The following SLA variants were observed in gnomAD, a reference collection of about 807,000 sequenced individuals.
The protein encoded by SLA is src-like-adapter.
In SLA, 16 loss-of-function variants were observed where a neutral mutation model predicts 30.3. That is an observed-to-expected ratio of 0.53 (90% confidence interval 0.36 to 0.80). The LOEUF is 0.80. SLA is among the 30% of genes least tolerant of loss of function. The pLI, the probability that SLA is intolerant of heterozygous loss-of-function variation, is 0.01. For missense variants in SLA, 310 were observed against 345.2 expected, an observed-to-expected ratio of 0.90 and a Z score of 0.81; for synonymous variants, 143 against 137.8, an observed-to-expected ratio of 1.04 and a Z score of -0.26.
intron 3 of SLA, among the ~76,000 whole-genome samples, chr8:133,058,415 T>C (rs1665490561): frequency 6.6e-6 from 1 of 152,178 alleles, no homozygotes. Context: ...AAAATCAACT[T>C]ATTTCATGAC....
chr8:133,081,967 A>G (rs1464799531), intron 1 of SLA, among the ~76,000 whole-genome samples: 1 of 152,228 alleles, frequency 6.6e-6, no homozygotes, highest in Admixed American at 6.5e-5. Flanking sequence ...CTAAGCAAAG[A>G]GGGCTGTAGC....
chr8:133,096,306 T>C, intron 1 of SLA: 1 of 1,614,138 alleles, frequency 6.2e-7, no homozygotes, highest in Non-Finnish European at 8.5e-7. Flanking sequence ...TCTTTATGGG[T>C]AGAGGTCGAT....
intron 3 of SLA, among the ~76,000 whole-genome samples, chr8:133,057,774 C>CA (rs5895173): frequency 0.075 from 10,677 of 141,898 alleles, 447 homozygotes; most frequent in African/African-American, 0.12. Context: ...AAACAAAAAA[C>CA]AAAAAAAAAA....
At position 133,038,510 on chromosome 8, in the gene SLA, G is replaced by A. The variant is rs377435106; in HGVS notation, c.*14C>T. On this transcript the variant is annotated 3_prime_UTR_variant, in exon 9 of 9. Coordinates refer to ENST00000338087, the MANE Select transcript of SLA (RefSeq NM_001045556.3). The stretch of plus-strand genomic sequence containing the variant: ...CTGTTCCTTTTGGGCATGAACCATT[G>A]TGTCTGTTCTTGGCTAGTCCTCAAA... 63 of 1,581,788 alleles carry A rather than the reference G, an allele frequency of 4.0e-5. No homozygotes were observed. Among genetic ancestry groups the A allele is most frequent in the Non-Finnish European group, 5.5e-5 (63 of 1,150,402 alleles).
At chr8:133,062,856 A>C (rs1587949032) in intron 2 of SLA, among the ~76,000 whole-genome samples, 1 of 152,136 alleles carries the variant, frequency 6.6e-6, no homozygotes, top group African/African-American at 2.4e-5. Flanking sequence ...TGTCTTACAC[A>C]GGTCTCAGGA....
intron 2 of SLA, 142 bp downstream of exon 2, chr8:133,074,711 G>A: frequency 3.7e-6 from 1 of 268,988 alleles, no homozygotes; most frequent in Non-Finnish European, 5.7e-6. Context: ...CAGGTTGGGG[G>A]CTGGGCTTCT....
chr8:133,050,004 C>T lies in SLA; in HGVS notation c.162-16G>A. ...GCCCCCTTCACTGTAAGAACAAGAA[C>T]AGAGAAGAACACAGAGATAGGTAAA... On this transcript the variant is annotated splice_polypyrimidine_tract_variant and intron_variant, in intron 4 of 8. Coordinates refer to ENST00000338087, the MANE Select transcript of SLA (RefSeq NM_001045556.3). 1 of 1,554,278 alleles carries T rather than the reference C, an allele frequency of 6.4e-7. No homozygotes were observed. The highest frequency in any genetic ancestry group is 8.9e-7 in the Non-Finnish European group (1 of 1,125,192).
chr8:133,068,667 C>G (rs989603667), intron 2 of SLA, among the ~76,000 whole-genome samples: 18 of 152,198 alleles, frequency 1.2e-4, no homozygotes, highest in Admixed American at 1.0e-3. Flanking sequence ...GCAAGGGGCT[C>G]AGTGACCCAG....
intron 1 of SLA, chr8:133,095,301 C>A: frequency 6.4e-7 from 1 of 1,555,264 alleles, no homozygotes; most frequent in Non-Finnish European, 8.9e-7. Flanking sequence ...CCCACCCCAG[C>A]CATACCACAC....
intron 2 of SLA, among the ~76,000 whole-genome samples, chr8:133,071,636 C>G (rs147963459): frequency 9.2e-5 from 14 of 151,430 alleles, no homozygotes; most frequent in Non-Finnish European, 1.6e-4. Flanking sequence ...TGGCATGCAG[C>G]GGGGAGAGGG....
chr8:133,039,926 G>A, intron 8 of SLA, 72 bp downstream of exon 8: 1 of 1,517,116 alleles, frequency 6.6e-7, no homozygotes, highest in Non-Finnish European at 8.9e-7. Flanking sequence ...ACCGTTTTGT[G>A]CTCACATGTT....
At chr8:133,087,827 G>C (rs887155071) in intron 1 of SLA, 1 of 152,174 alleles carries the variant, frequency 6.6e-6, no homozygotes, top group East Asian at 1.9e-4. Context: ...TGAATGTCAC[G>C]TGACCTCCTC....
intron 1 of SLA, among the ~76,000 whole-genome samples, chr8:133,075,664 G>A (rs1844759701): frequency 6.6e-6 from 1 of 152,166 alleles, no homozygotes; most frequent in African/African-American, 2.4e-5. Context: ...TAAAAGAAAA[G>A]CTGCATCCCT....
intron 3 of SLA, among the ~76,000 whole-genome samples, chr8:133,053,347 G>A (rs914329728): frequency 4.6e-5 from 7 of 152,178 alleles, no homozygotes; most frequent in Non-Finnish European, 7.3e-5. Context: ...TGTCTTCTGT[G>A]TCTGTAGCCT....
At chr8:133,070,018 AAAAAAAAAG>A (rs1354238836) in intron 2 of SLA, among the ~76,000 whole-genome samples, 9 of 95,660 alleles carry the variant, frequency 9.4e-5, no homozygotes, top group African/African-American at 2.4e-4. Context: ...AAAAAAAAAA[AAAAAAAAAG>A]AAAGAAAGAA....
chr8:133,051,907 C>T (rs1533910), intron 3 of SLA, among the ~76,000 whole-genome samples: 32,379 of 152,142 alleles, frequency 0.21, 3,596 homozygotes, highest in African/African-American at 0.25. Flanking sequence ...TTTATTCATT[C>T]GGCAACTACT....
intron 1 of SLA, chr8:133,095,342 T>TAGAG: frequency 8.1e-7 from 1 of 1,232,640 alleles, no homozygotes; most frequent in Non-Finnish European, 1.2e-6. Flanking sequence ...GAGCTGGAAC[T>TAGAG]CACATTCCCT....
chr8:133,093,878 T>C (rs542643051), intron 1 of SLA, among the ~76,000 whole-genome samples: 1 of 152,314 alleles, frequency 6.6e-6, no homozygotes, highest in South Asian at 2.1e-4. Flanking sequence ...CTTATACAAT[T>C]GCTGTGAGGG....
At position 133,096,209 on chromosome 8, in the gene SLA, C is replaced by T. The variant is rs2069568; in HGVS notation, c.-319+6344G>A. On this transcript the variant is annotated intron_variant, in intron 1 of 8. Transcript: ENST00000338087. The stretch of plus-strand genomic sequence containing the variant: ...ATTATTGTTGCATCCAATGCAGCTC[C>T]TGGCCGTGAGTGGCCCTTTCCACTA... 0.45 allele frequency: 733,825 copies of T among 1,613,656 alleles called. 171,919 individuals carry two copies. Among genetic ancestry groups the T allele is most frequent in the Middle Eastern group, 0.48 (2,922 of 6,062 alleles).
Sources: gnomAD v4.1 joint callset for allele counts (sites outside exome capture counted in the v4.1 genomes callset) on GRCh38, gnomAD v4.1.1 for gene constraint, MANE v1.5 for transcripts, NCBI Gene and HGNC (gene_info 2026-07-23, HGNC 2026-07-21) for gene names.